STAM: variants seen among roughly 807,000 people sequenced by gnomAD.
STAM encodes signal transducing adaptor molecule, also known as signal transducing adapter molecule 1.
STAM carries 16 observed loss-of-function variants against 63.4 expected under a neutral mutation model. The ratio of observed to expected loss-of-function variants is 0.25; its 90% CI spans 0.17 to 0.38. The LOEUF (loss-of-function observed/expected upper bound fraction) is 0.38, where lower values mean the gene tolerates loss of function less well. Among genes scored for constraint, STAM ranks in the 10% least tolerant of loss-of-function variants. The probability of loss-of-function intolerance (pLI) is 1.00; values close to 1 mark genes in which losing one functional copy is unlikely to be tolerated. For missense variants in STAM, 636 were observed against 657.1 expected, an observed-to-expected ratio of 0.97 and a Z score of 0.35; for synonymous variants, 238 against 223.9, an observed-to-expected ratio of 1.06 and a Z score of -0.56.
rs1361069131 is a variant in STAM, at chr10:17,680,457, C to G, written c.126-4218C>G. On this transcript the variant is annotated intron_variant, in intron 2 of 13. Transcript: ENST00000377524. ...CTTTTTTTGGAGATATGGTCTTACTCTGTCACCCAGGCTGGAGTTCAGTGG... is the reference window on the plus strand; with the variant it reads ...CTTTTTTTGGAGATATGGTCTTACTGTGTCACCCAGGCTGGAGTTCAGTGG... Among the ~76,000 whole-genome samples the G allele has an allele frequency of 4.7e-5, 7 of 148,786 alleles. No individual in the cohort carries two copies. The East Asian group carries it at 1.4e-3, about 29-fold the overall frequency.
At chr10:17,679,717 G>A (rs1249512284) in intron 2 of STAM, among the ~76,000 whole-genome samples, 1 of 151,414 alleles carries the variant, frequency 6.6e-6, no homozygotes, top group Non-Finnish European at 1.5e-5. Context: ...TTGTTACATA[G>A]GTCTATTCAG....
chr10:17,705,456 T>C, intron 11 of STAM, 132 bp from the exon 12 acceptor site: 2 of 1,085,166 alleles, frequency 1.8e-6, no homozygotes, highest in Non-Finnish European at 2.6e-6. Flanking sequence ...GATATTTTTG[T>C]TATAAGTGAA....
chr10:17,713,804 T>A (rs1836671988), intron 13 of STAM, among the ~76,000 whole-genome samples: 1 of 152,080 alleles, frequency 6.6e-6, no homozygotes, highest in South Asian at 2.1e-4. Flanking sequence ...CCCTGTGGAA[T>A]CTTATCACGC....
intron 1 of STAM, among the ~76,000 whole-genome samples, chr10:17,652,912 C>A (rs1833794508): frequency 6.6e-6 from 1 of 152,110 alleles, no homozygotes; most frequent in Admixed American, 6.5e-5. Flanking sequence ...AGATAAAATT[C>A]TCTTATAGTG....
rs1223509007 is a variant in STAM, at chr10:17,659,463, C to CTT, written c.41-980_41-979dup. 8.7e-3 allele frequency among the ~76,000 whole-genome samples: 936 copies of CTT among 107,464 alleles called. 23 individuals are homozygous for CTT. Among genetic ancestry groups the CTT allele is most frequent in the East Asian group, 0.034 (124 of 3,686 alleles). The allele number at this position is 107,464 out of a possible 152,430, so 70.5% of individuals were successfully genotyped here. ...GGTATTCCATCTTTATTCTCTTCCT[C>CTT]TTTTTTTTTTTTTTTTTTTTTTAAA... On this transcript the variant is annotated intron_variant, in intron 1 of 13. Transcript: ENST00000377524.
At chr10:17,660,003 C>G (rs1834097677) in intron 1 of STAM, among the ~76,000 whole-genome samples, 2 of 151,846 alleles carry the variant, frequency 1.3e-5, no homozygotes, top group African/African-American at 4.8e-5. Flanking sequence ...GAAATACATT[C>G]AGTCAAAACT....
chr10:17,679,578 T>C (rs931762208), intron 2 of STAM, among the ~76,000 whole-genome samples: 2 of 148,164 alleles, frequency 1.3e-5, no homozygotes, highest in Non-Finnish European at 3.0e-5. Flanking sequence ...AATTTGCGTG[T>C]GTTTTTTTTT....
chr10:17,713,970 G>GCACCCCCTGCGGC (rs1178239269), intron 13 of STAM, among the ~76,000 whole-genome samples: 1 of 152,036 alleles, frequency 6.6e-6, no homozygotes, highest in East Asian at 1.9e-4. Flanking sequence ...ACCCCCTGCG[G>GCACCCCCTGCGGC]CCCCCTCTGC....
chr10:17,703,502 T>C (rs1836112499), intron 9 of STAM, among the ~76,000 whole-genome samples: 2 of 152,158 alleles, frequency 1.3e-5, no homozygotes, highest in South Asian at 2.1e-4. Flanking sequence ...AGCATAACCA[T>C]GTAAAAACCA....
Position 17,660,446 on chromosome 10 carries a change from C to T in STAM, c.41-18C>T. ...ATTTGAAAAATAATGTTTCTGCAATCCCCTTTACAATCTACAGAGAAAGCA... is the reference window on the plus strand; with the variant it reads ...ATTTGAAAAATAATGTTTCTGCAATTCCCTTTACAATCTACAGAGAAAGCA... On this transcript the variant is annotated intron_variant, in intron 1 of 13. Coordinates refer to ENST00000377524, the MANE Select transcript of STAM (RefSeq NM_003473.4). The T allele has an allele frequency of 1.3e-6, 2 of 1,524,370 alleles. No homozygotes were observed. Among genetic ancestry groups the T allele is most frequent in the South Asian group, 1.2e-5 (1 of 82,176 alleles). 94.4% of individuals were successfully genotyped at this position (1,524,370 alleles called of 1,614,324 possible).
intron 2 of STAM, among the ~76,000 whole-genome samples, chr10:17,681,215 T>A (rs1480527158): frequency 6.6e-6 from 1 of 150,566 alleles, no homozygotes; most frequent in Non-Finnish European, 1.5e-5. Flanking sequence ...TTTTTTTTTT[T>A]AATGTAGGTG....
chr10:17,692,814 A>G (rs1835596661), intron 5 of STAM, among the ~76,000 whole-genome samples: 1 of 152,176 alleles, frequency 6.6e-6, no homozygotes, highest in South Asian at 2.1e-4. Context: ...GATAACTCTA[A>G]CTATTAATAG....
At position 17,646,376 on chromosome 10, in the gene STAM, A is replaced by C. The variant is rs115069594; in HGVS notation, c.40+1997A>C. 2.0e-3 allele frequency among the ~76,000 whole-genome samples: 298 copies of C among 152,252 alleles called. 1 individual carries two copies. Among genetic ancestry groups the C allele is most frequent in the African/African-American group, 6.2e-3 (259 of 41,542 alleles). ...GCTAAATGCCCCCTGGAAGGACAAA[A>C]TACCTCCCAGTTGAGAACCGCTGCA... is the stretch of plus-strand genomic sequence containing the variant. On this transcript the variant is annotated intron_variant, in intron 1 of 13. Coordinates refer to ENST00000377524, the MANE Select transcript of STAM (RefSeq NM_003473.4).
intron 2 of STAM, among the ~76,000 whole-genome samples, chr10:17,660,754 C>G (rs1554822803): frequency 6.6e-6 from 1 of 151,668 alleles, no homozygotes; most frequent in African/African-American, 2.4e-5. Context: ...ATAGTGAGAC[C>G]CCGTCTCTTA....
At chr10:17,698,434 T>A (rs1206981091) in intron 8 of STAM, among the ~76,000 whole-genome samples, 1 of 151,676 alleles carries the variant, frequency 6.6e-6, no homozygotes, top group South Asian at 2.1e-4. Flanking sequence ...TTTTTTTTTT[T>A]AAGTCATATA....
chr10:17,673,674 C>T (rs896299303), intron 2 of STAM, among the ~76,000 whole-genome samples: 8 of 152,246 alleles, frequency 5.3e-5, no homozygotes, highest in Middle Eastern at 3.4e-3. Context: ...AGAAAAACCC[C>T]GCAAACCAAC....
intron 2 of STAM, among the ~76,000 whole-genome samples, chr10:17,676,482 G>C (rs1443673290): frequency 6.6e-6 from 1 of 152,080 alleles, no homozygotes; most frequent in Non-Finnish European, 1.5e-5. Flanking sequence ...TCTTTGTCTG[G>C]TCTGTGATTT....
intron 2 of STAM, among the ~76,000 whole-genome samples, chr10:17,662,379 A>G (rs1242017210): frequency 2.0e-5 from 3 of 152,144 alleles, no homozygotes; most frequent in Non-Finnish European, 4.4e-5. Context: ...CCCAATGTAG[A>G]TACCACTTCT....
intron 2 of STAM, among the ~76,000 whole-genome samples, chr10:17,663,316 A>G (rs549206283): frequency 9.9e-5 from 15 of 152,190 alleles, no homozygotes; most frequent in Middle Eastern, 3.4e-3. Flanking sequence ...TTTATCCAGT[A>G]TCAATAGGTT....
Sources: allele counts gnomAD v4.1 joint callset (sites outside exome capture counted in the v4.1 genomes callset), GRCh38; gene constraint gnomAD v4.1.1; transcripts MANE v1.5; gene names NCBI Gene and HGNC (gene_info 2026-07-23, HGNC 2026-07-21).